Variants in ADAMTSL3 observed in about 807,000 individuals in gnomAD.
ADAMTSL3 encodes the protein ADAMTS-like protein 3.
A neutral mutation model predicts 201.7 loss-of-function variants in ADAMTSL3; 128 were observed. The observed-to-expected ratio is 0.63, with a 90% CI of 0.55 to 0.73. The LOEUF (loss-of-function observed/expected upper bound fraction) is 0.73. Among genes scored for constraint, ADAMTSL3 ranks in the 30% least tolerant of loss-of-function variants. ADAMTSL3 has a pLI of 0.00. For synonymous variants in ADAMTSL3, 738 were observed against 748.4 expected (o/e 0.99, Z 0.23); for missense variants, 1,990 against 2,119.6 (o/e 0.94, Z 1.20).
At chr15:83,707,930 C>A (rs1157722106) in intron 3 of ADAMTSL3, among the ~76,000 whole-genome samples, 1 of 152,212 alleles carries the variant, frequency 6.6e-6, no homozygotes, top group Non-Finnish European at 1.5e-5. Context: ...GTTTTCAGAG[C>A]AGTCTCTCCA....
intron 22 of ADAMTSL3, among the ~76,000 whole-genome samples, chr15:83,990,741 T>G (rs2067567542): frequency 6.6e-6 from 1 of 152,214 alleles, no homozygotes; most frequent in Non-Finnish European, 1.5e-5. Context: ...CTTCTTTGCT[T>G]CTTATGAGCT....
At chr15:83,749,397 A>T (rs1353366506) in intron 3 of ADAMTSL3, among the ~76,000 whole-genome samples, 2 of 152,148 alleles carry the variant, frequency 1.3e-5, no homozygotes, top group Admixed American at 6.5e-5. Flanking sequence ...CGAGAGCTTT[A>T]TTGATGGGGA....
At chr15:83,744,787 G>C (rs1468613746) in intron 3 of ADAMTSL3, among the ~76,000 whole-genome samples, 2 of 152,222 alleles carry the variant, frequency 1.3e-5, no homozygotes, top group Non-Finnish European at 2.9e-5. Context: ...TCAGTGGTTT[G>C]TCAGCAGGAC....
At chr15:83,721,077 C>T (rs1424101133) in intron 3 of ADAMTSL3, among the ~76,000 whole-genome samples, 1 of 152,112 alleles carries the variant, frequency 6.6e-6, no homozygotes, top group Non-Finnish European at 1.5e-5. Context: ...TATGGGAAAT[C>T]TTTTTTCTGT....
intron 6 of ADAMTSL3, among the ~76,000 whole-genome samples, chr15:83,822,137 C>A (rs1406193514): frequency 1.3e-5 from 2 of 150,278 alleles, no homozygotes; most frequent in African/African-American, 4.9e-5. Context: ...CTGACCCCCC[C>A]ACCTCCCTCC....
chr15:83,845,427 G>C (rs1037128272), intron 7 of ADAMTSL3, among the ~76,000 whole-genome samples: 1 of 152,088 alleles, frequency 6.6e-6, no homozygotes, highest in Non-Finnish European at 1.5e-5. Flanking sequence ...GATTTCAGTG[G>C]GACTAAATGA....
intron 19 of ADAMTSL3, among the ~76,000 whole-genome samples, chr15:83,955,581 A>G (rs2066845285): frequency 2.0e-5 from 3 of 152,012 alleles, no homozygotes; most frequent in African/African-American, 7.2e-5. Flanking sequence ...TACTACCTGG[A>G]TATCACTTTT....
intron 3 of ADAMTSL3, chr15:83,717,654 A>G (rs926684276): frequency 5.3e-5 from 8 of 152,246 alleles, no homozygotes; most frequent in African/African-American, 1.2e-4. Flanking sequence ...ATATATTTGT[A>G]AAGTAAAATT....
At position 83,752,910 on chromosome 15, in the gene ADAMTSL3, T is replaced by G. The variant is rs551376586; in HGVS notation, c.190-20613T>G. On this transcript the variant is annotated intron_variant, in intron 3 of 29. Transcript: ENST00000286744. ...TGTTCAACTCTCTCATCCATCAAGA[T>G]TCAGCTCAATTGACACCTTCCCTGA... Among the ~76,000 whole-genome samples the G allele has an allele frequency of 2.0e-5, 3 of 152,330 alleles. No homozygotes were observed. The East Asian group carries it at 5.8e-4, about 29-fold the overall frequency.
chr15:83,968,294 G>A (rs1346805911), intron 19 of ADAMTSL3, among the ~76,000 whole-genome samples: 1 of 152,154 alleles, frequency 6.6e-6, no homozygotes, highest in Non-Finnish European at 1.5e-5. Context: ...CTGTCAAAGG[G>A]CTAATATCCA....
In ADAMTSL3 at chr15:83,681,772, C is replaced by T. The variant is rs187861171; in HGVS notation, c.70-22617C>T. 1.4e-3 allele frequency among the ~76,000 whole-genome samples: 211 copies of T among 152,246 alleles called. 2 individuals are homozygous for T. The highest frequency in any genetic ancestry group is 0.012 in the Admixed American group (188 of 15,294). The stretch of plus-strand genomic sequence containing the variant: ...TGCATGGTAAGAGAAAGAGAGAGAC[C>T]TCAAGTGAAGGTGTTCCCGTCTCCC... On this transcript the variant is annotated intron_variant, in intron 2 of 29. Transcript: ENST00000286744.
intron 19 of ADAMTSL3, 128 bp from the exon 20 acceptor site, chr15:83,970,356 A>G: frequency 9.7e-7 from 1 of 1,027,604 alleles, no homozygotes; most frequent in East Asian, 2.4e-5. Flanking sequence ...AAGCCTAGGA[A>G]ATGGCTTTCT....
intron 7 of ADAMTSL3, among the ~76,000 whole-genome samples, chr15:83,848,479 G>C (rs1409151306): frequency 2.6e-5 from 4 of 152,202 alleles, no homozygotes; most frequent in Non-Finnish European, 4.4e-5. Context: ...TGATGGAACA[G>C]CTGGACTTGA....
intron 4 of ADAMTSL3, among the ~76,000 whole-genome samples, chr15:83,796,471 C>T (rs1445168601): frequency 1.3e-5 from 2 of 151,904 alleles, no homozygotes; most frequent in Non-Finnish European, 2.9e-5. Context: ...ATGTGTAAGA[C>T]CTTTATGGAA....
At chr15:83,942,020 G>C (rs1476945172) in intron 17 of ADAMTSL3, among the ~76,000 whole-genome samples, 2 of 152,180 alleles carry the variant, frequency 1.3e-5, no homozygotes, top group Non-Finnish European at 2.9e-5. Context: ...TTCCTTGAAG[G>C]CAACTTGGAA....
chr15:83,913,431 G>A (rs1171117864), intron 16 of ADAMTSL3, 53 bp downstream of exon 16: 1 of 1,568,228 alleles, frequency 6.4e-7, no homozygotes, highest in African/African-American at 1.3e-5. Flanking sequence ...CTAGTGGTTT[G>A]AGAAATTACT....
intron 5 of ADAMTSL3, among the ~76,000 whole-genome samples, chr15:83,813,779 A>G (rs1410164020): frequency 6.6e-6 from 1 of 152,140 alleles, no homozygotes; most frequent in Non-Finnish European, 1.5e-5. Context: ...CACTTAGCAT[A>G]TATCTTTATA....
chr15:83,655,695 G>T, intron 1 of ADAMTSL3, 34 bp from the exon 2 acceptor site: 2 of 1,514,306 alleles, frequency 1.3e-6, no homozygotes, highest in African/African-American at 2.7e-5. Flanking sequence ...GGGGGCCAGA[G>T]CTGGTTGGTA....
Position 83,900,149 on chromosome 15 carries a change from A to T in ADAMTSL3, c.1700+418A>T, listed in dbSNP as rs368665481. ...TAGTCGCCTGAGTGATCATAGGGAAATGGAAAGAACAAGGTACTAAGAGTA... is the reference window on the plus strand; with the variant it reads ...TAGTCGCCTGAGTGATCATAGGGAATTGGAAAGAACAAGGTACTAAGAGTA... On this transcript the variant is annotated intron_variant, in intron 15 of 29. Transcript: ENST00000286744. Among the ~76,000 whole-genome samples, 36 of 152,220 alleles carry T rather than the reference A, an allele frequency of 2.4e-4. 3 individuals carry two copies. The highest frequency in any genetic ancestry group is 1.8e-3 in the Admixed American group (27 of 15,282).
Sources: allele counts gnomAD v4.1 joint callset (sites outside exome capture counted in the v4.1 genomes callset), GRCh38; gene constraint gnomAD v4.1.1; transcripts MANE v1.5; gene names NCBI Gene and HGNC (gene_info 2026-07-23, HGNC 2026-07-21).